Variants in ARAP2 observed in about 807,000 individuals in gnomAD.
ARAP2 encodes arf-GAP with Rho-GAP domain, ANK repeat and PH domain-containing protein 2.
ARAP2 carries 148 observed loss-of-function variants against 194.5 expected under a neutral mutation model. That is an observed-to-expected ratio of 0.76 (90% CI 0.67 to 0.87). The LOEUF is 0.87. Among genes scored for constraint, ARAP2 ranks in the 40% least tolerant of loss-of-function variants. The pLI is 0.00. For synonymous variants in ARAP2, 695 were observed against 683.5 expected, an observed-to-expected ratio of 1.02 and a Z score of -0.26; for missense variants, 2,128 against 1,989.7, an observed-to-expected ratio of 1.07 and a Z score of -1.32.
intron 5 of ARAP2, among the ~76,000 whole-genome samples, chr4:36,037,936 A>G (rs1720217167): frequency 6.6e-6 from 1 of 152,210 alleles, no homozygotes; most frequent in South Asian, 2.1e-4. Flanking sequence ...TACTGAATTT[A>G]TAAGATCAAA....
chr4:36,192,855 G>A (rs1368904397), intron 7 of ARAP2, among the ~76,000 whole-genome samples: 1 of 152,086 alleles, frequency 6.6e-6, no homozygotes, highest in Non-Finnish European at 1.5e-5. Flanking sequence ...AATTAGCCAG[G>A]CATGGTGGTG....
chr4:36,181,721 C>A (rs915284715), intron 8 of ARAP2, among the ~76,000 whole-genome samples: 2 of 152,196 alleles, frequency 1.3e-5, no homozygotes, highest in African/African-American at 4.8e-5. Context: ...TGTTCCCAAA[C>A]CTATTCTGAA....
chr4:36,068,721 G>A (rs971360196), intron 32 of ARAP2, among the ~76,000 whole-genome samples: 6 of 152,192 alleles, frequency 3.9e-5, no homozygotes, highest in Admixed American at 2.0e-4. Flanking sequence ...CTGCCCCGCT[G>A]TAGGCTAATA....
chr4:36,038,555 A>G (rs1015902697), intron 5 of ARAP2, among the ~76,000 whole-genome samples: 9 of 152,208 alleles, frequency 5.9e-5, no homozygotes, highest in Non-Finnish European at 1.0e-4. Context: ...TACTGTCTCT[A>G]CAGAGTTCCT....
chr4:36,088,234 T>C (rs1458468818), intron 28 of ARAP2, among the ~76,000 whole-genome samples: 1 of 152,212 alleles, frequency 6.6e-6, no homozygotes, highest in Admixed American at 6.6e-5. Flanking sequence ...CAACATATTA[T>C]GTATATGCAA....
Position 36,164,947 on chromosome 4 carries a change from T to C in ARAP2, c.2140A>G (p.Asn714Asp). ...KAPDPDWASINLCVVICKKCA... is the reference protein window; with the variant it reads ...KAPDPDWASIDLCVVICKKCA... ...TTCTTACAGATGACAACACAGAGAT[T>C]GATGGATGCCCAGTCAGGATCTGGG... Residue 714 changes from asparagine (N) to aspartate (D), a missense_variant, in exon 11 of 33, where the codon AAT becomes GAT. By Grantham distance (23) the Asn-to-Asp change is conservative (BLOSUM62 1). Coordinates refer to ENST00000303965, the MANE Select transcript of ARAP2 (RefSeq NM_015230.4). 6.2e-7 allele frequency: 1 copy of C among 1,614,106 alleles called. No individual in the cohort carries two copies. The highest frequency in any genetic ancestry group is 8.5e-7 in the Non-Finnish European group (1 of 1,179,942).
chr4:36,190,319 T>TGAC (rs1202732340), intron 7 of ARAP2, among the ~76,000 whole-genome samples: 1 of 152,222 alleles, frequency 6.6e-6, no homozygotes, highest in Non-Finnish European at 1.5e-5. Context: ...ATTTAAACGG[T>TGAC]GACTTTATAT....
At chr4:36,044,329 T>C (rs906403052) in intron 5 of ARAP2, among the ~76,000 whole-genome samples, 1 of 152,158 alleles carries the variant, frequency 6.6e-6, no homozygotes, top group Non-Finnish European at 1.5e-5. Context: ...AAAATGGAAG[T>C]AAACAAGACA....
intron 27 of ARAP2, among the ~76,000 whole-genome samples, chr4:36,100,812 G>T (rs995484381): frequency 6.6e-6 from 1 of 151,788 alleles, no homozygotes; most frequent in African/African-American, 2.4e-5. Flanking sequence ...TAATGGGGGA[G>T]CATCTTTTTA....
intron 8 of ARAP2, among the ~76,000 whole-genome samples, chr4:36,178,777 C>T (rs1738553057): frequency 6.6e-6 from 1 of 152,132 alleles, no homozygotes; most frequent in East Asian, 1.9e-4. Flanking sequence ...AAGTGATTTG[C>T]TGAAGGTCAT....
chr4:36,153,628 T>C (rs149724029), intron 15 of ARAP2, among the ~76,000 whole-genome samples: 1 of 152,292 alleles, frequency 6.6e-6, no homozygotes, highest in Non-Finnish European at 1.5e-5. Context: ...ACGACAGGAT[T>C]TACTCAAGCA....
intron 26 of ARAP2, among the ~76,000 whole-genome samples, chr4:36,109,917 G>C (rs995116079): frequency 7.7e-6 from 1 of 130,562 alleles, no homozygotes; most frequent in African/African-American, 3.0e-5. Flanking sequence ...TCCCAATAAC[G>C]GTTGCCATTT....
chr4:36,035,996 T>C (rs888978285), intron 5 of ARAP2, among the ~76,000 whole-genome samples: 5 of 152,204 alleles, frequency 3.3e-5, no homozygotes, highest in African/African-American at 1.2e-4. Flanking sequence ...TTGTTATTTT[T>C]TTCATGCTGC....
chr4:36,216,614 T>C (rs974777828), intron 2 of ARAP2, among the ~76,000 whole-genome samples: 1 of 152,046 alleles, frequency 6.6e-6, no homozygotes, highest in Non-Finnish European at 1.5e-5. Context: ...ATACAAATGG[T>C]CACAGCAGAT....
chr4:36,106,691 T>C (rs961155311), intron 27 of ARAP2, among the ~76,000 whole-genome samples: 5 of 151,904 alleles, frequency 3.3e-5, no homozygotes, highest in Non-Finnish European at 5.9e-5. Flanking sequence ...CTGAATAATA[T>C]AAGGCAAATT....
At chr4:36,050,693 A>G (rs777009069) in intron 3 of ARAP2, among the ~76,000 whole-genome samples, 16 of 152,234 alleles carry the variant, frequency 1.1e-4, no homozygotes, top group Non-Finnish European at 1.9e-4. Context: ...CTCAAGTGGA[A>G]TACCATAAAA....
intron 19 of ARAP2, among the ~76,000 whole-genome samples, chr4:36,145,208 A>T (rs1458053721): frequency 6.6e-6 from 1 of 151,968 alleles, no homozygotes; most frequent in Admixed American, 6.6e-5. Context: ...AAATGGTTCT[A>T]CCAAAAAGAC....
intron 9 of ARAP2, 118 bp from the exon 10 acceptor site, chr4:36,167,165 A>T: frequency 1.6e-6 from 1 of 639,130 alleles, no homozygotes. Flanking sequence ...AATCAGTCTC[A>T]CTTTAGGTAG....
downstream of ARAP2, among the ~76,000 whole-genome samples, chr4:36,064,574 C>T (rs1212598646): frequency 6.6e-6 from 1 of 152,228 alleles, no homozygotes; most frequent in African/African-American, 2.4e-5. Flanking sequence ...CCTGGTCCTG[C>T]AGCTCAGGTG....
Sources: gnomAD v4.1 joint callset for allele counts (sites outside exome capture counted in the v4.1 genomes callset) on GRCh38, gnomAD v4.1.1 for gene constraint, MANE v1.5 for transcripts, NCBI Gene and HGNC (gene_info 2026-07-23, HGNC 2026-07-21) for gene names.